Variants in ADRA1A observed in about 807,000 individuals in gnomAD.
ADRA1A encodes adrenoceptor alpha 1A, also known as alpha-1A adrenergic receptor.
Under a neutral mutation model 29.6 loss-of-function variants are expected in ADRA1A, and 31 were observed. The observed-to-expected ratio is 1.05, with a 90% CI of 0.79 to 1.41. The LOEUF (loss-of-function observed/expected upper bound fraction) is 1.41, where lower values mean the gene tolerates loss of function less well. Among genes scored for constraint, ADRA1A ranks in the 40% most tolerant of loss-of-function variants. The pLI is 0.00. For missense variants in ADRA1A, 619 were observed against 601.1 expected (o/e 1.03, Z -0.31); for synonymous variants, 311 against 254.3 (o/e 1.22, Z -2.12).
At chr8:26,765,128 G>A (rs1273341096), downstream of ADRA1A, among the ~76,000 whole-genome samples, 2 of 152,172 alleles carry the variant, frequency 1.3e-5, no homozygotes, top group Admixed American at 6.5e-5. Flanking sequence ...GACGTCTATG[G>A]TAAATCTTCC....
intron 2 of ADRA1A, among the ~76,000 whole-genome samples, chr8:26,842,398 CCT>C (rs1304621136): frequency 1.3e-5 from 2 of 152,184 alleles, no homozygotes; most frequent in Non-Finnish European, 2.9e-5. Flanking sequence ...CCTCTCCCAG[CCT>C]CTCTGTCTAT....
chr8:26,794,202 G>A (rs759614195), intron 2 of ADRA1A, among the ~76,000 whole-genome samples: 19 of 152,048 alleles, frequency 1.2e-4, no homozygotes, highest in Non-Finnish European at 2.6e-4. Flanking sequence ...TCATTTCAAG[G>A]ATTGAAGTTG....
At chr8:26,789,617 A>G (rs1807664674) in intron 2 of ADRA1A, among the ~76,000 whole-genome samples, 1 of 152,182 alleles carries the variant, frequency 6.6e-6, no homozygotes, top group African/African-American at 2.4e-5. Context: ...AATTTAATAA[A>G]CAAGACCTCA....
rs553770523 is a variant in ADRA1A, at chr8:26,756,648, C to T, written c.*111G>A. ...GTAAATCCAAGTGTCAGGCAAGGCT[C>T]CTGGGCTCCTGGGGTGGATTCCAAA... On this transcript the variant is annotated 3_prime_UTR_variant, in exon 3 of 3. Transcript: ENST00000380582. The T allele has an allele frequency of 5.0e-6, 8 of 1,600,330 alleles. No homozygotes were observed. In the South Asian group the frequency reaches 9.0e-5, roughly 18 times the overall value.
At chr8:26,827,239 T>C (rs796355809) in intron 2 of ADRA1A, among the ~76,000 whole-genome samples, 1 of 152,338 alleles carries the variant, frequency 6.6e-6, no homozygotes, top group South Asian at 2.1e-4. Flanking sequence ...GATGATAACA[T>C]AGCTATAATC....
intron 2 of ADRA1A, among the ~76,000 whole-genome samples, chr8:26,760,556 C>T (rs778281090): frequency 6.6e-6 from 1 of 152,208 alleles, no homozygotes; most frequent in African/African-American, 2.4e-5. Context: ...ACAGGGCAGA[C>T]AGCACTGACA....
In ADRA1A at chr8:26,787,994, A is replaced by ATG. The variant is rs1807528306; in HGVS notation, c.884-17330_884-17329dup. On this transcript the variant is annotated intron_variant, in intron 2 of 2. Transcript: ENST00000380573. This position sits in a 1 kb window ranked among gnomAD's most constrained non-coding sequence, Gnocchi z 4.2. ...CATCTTCCTGCAGAGATGCCCCTGG[A>ATG]TGTGTGGTTCTGGTTTACACAATGG... Among the ~76,000 whole-genome samples, 1 of 151,860 alleles carries ATG rather than the reference A, an allele frequency of 6.6e-6. No individual in the cohort carries two copies. The highest frequency in any genetic ancestry group is 1.5e-5 in the Non-Finnish European group (1 of 68,006).
At chr8:26,804,022 A>G (rs1333390800) in intron 2 of ADRA1A, among the ~76,000 whole-genome samples, 1 of 148,348 alleles carries the variant, frequency 6.7e-6, no homozygotes. Flanking sequence ...CCTGGGCTCA[A>G]GAGATCCTTC....
intron 2 of ADRA1A, among the ~76,000 whole-genome samples, chr8:26,793,305 T>C (rs6998591): frequency 0.59 from 89,313 of 151,846 alleles, 28,530 homozygotes; most frequent in East Asian, 0.9. Flanking sequence ...GTTTTCAGTT[T>C]AAGAGTAAAT....
chr8:26,761,726 C>T (rs1805514240), downstream of ADRA1A, among the ~76,000 whole-genome samples: 1 of 152,184 alleles, frequency 6.6e-6, no homozygotes, highest in Admixed American at 6.5e-5. Context: ...ACTAATATGG[C>T]AGGGCTACAA....
intron 2 of ADRA1A, among the ~76,000 whole-genome samples, chr8:26,811,647 C>T (rs1563271377): frequency 1.3e-5 from 2 of 152,182 alleles, no homozygotes; most frequent in African/African-American, 4.8e-5. Flanking sequence ...TAAATTTCTT[C>T]TATGTTTTAG....
chr8:26,765,907 A>G, downstream of ADRA1A: 1 of 1,439,614 alleles, frequency 6.9e-7, no homozygotes, highest in Non-Finnish European at 9.1e-7. Context: ...TCTCACTACC[A>G]GGTCTTAACC....
At position 26,769,190 on chromosome 8, in the gene ADRA1A, T is replaced by A. The variant is rs1805960266; in HGVS notation, c.*959A>T. ...GCTCTGGATTTTCATAACAGAGTTCTGGAACAGGTAAGTGATTTGTCAAGA... is the reference window on the plus strand; with the variant it reads ...GCTCTGGATTTTCATAACAGAGTTCAGGAACAGGTAAGTGATTTGTCAAGA... On this transcript the variant is annotated 3_prime_UTR_variant, in exon 3 of 3. Transcript: ENST00000380573. 1.0e-6 allele frequency: 1 copy of A among 985,324 alleles called. No individual in the cohort carries two copies. 61.0% of individuals were successfully genotyped at this position (985,324 alleles called of 1,614,324 possible). A position where few individuals can be genotyped will look rare whatever the true frequency, so the allele number is the denominator to read the frequency against.
intron 2 of ADRA1A, 113 bp from the exon 3 acceptor site, chr8:26,770,779 C>G (rs1806090162): frequency 7.1e-7 from 1 of 1,404,396 alleles, no homozygotes; most frequent in Non-Finnish European, 9.4e-7. Flanking sequence ...AAAATGATCC[C>G]AAACACATAT....
At chr8:26,759,506 A>G (rs1484439036) in intron 2 of ADRA1A, among the ~76,000 whole-genome samples, 1 of 152,172 alleles carries the variant, frequency 6.6e-6, no homozygotes, top group Non-Finnish European at 1.5e-5. Context: ...GAATTTGGGC[A>G]TCCTTATTTG....
chr8:26,791,503 G>C (rs1263938183), intron 2 of ADRA1A, among the ~76,000 whole-genome samples: 1 of 152,164 alleles, frequency 6.6e-6, no homozygotes, highest in East Asian at 1.9e-4. Context: ...TAAACTCCTA[G>C]AGCTTCACAT....
At chr8:26,810,929 C>G (rs909029533) in intron 2 of ADRA1A, among the ~76,000 whole-genome samples, 4 of 152,196 alleles carry the variant, frequency 2.6e-5, no homozygotes, top group Non-Finnish European at 5.9e-5. Flanking sequence ...CCAAGATTCA[C>G]TTCGCATGAC....
chr8:26,801,337 A>G (rs139541480), intron 2 of ADRA1A, among the ~76,000 whole-genome samples: 2,634 of 152,282 alleles, frequency 0.017, 67 homozygotes, highest in African/African-American at 0.057. Flanking sequence ...AAGTCAAATT[A>G]TCCTTGTTTG....
chr8:26,797,451 C>G (rs1250611337), intron 2 of ADRA1A, among the ~76,000 whole-genome samples: 1 of 151,906 alleles, frequency 6.6e-6, no homozygotes, highest in Non-Finnish European at 1.5e-5. Context: ...CATGAGCCAC[C>G]ATGCCTGGCT....
Sources: gnomAD v4.1 joint callset for allele counts (sites outside exome capture counted in the v4.1 genomes callset) on GRCh38, gnomAD v4.1.1 for gene constraint, Gnocchi (gnomAD v3.1) non-coding constraint, MANE v1.5 for transcripts, NCBI Gene and HGNC (gene_info 2026-07-23, HGNC 2026-07-21) for gene names.